Variants in SLC22A12 observed in about 807,000 individuals in gnomAD.
SLC22A12 encodes the protein solute carrier family 22 member 12, also known as organic anion transporter 4-like protein.
A neutral mutation model predicts 52.7 loss-of-function variants in SLC22A12; 56 were observed. The ratio of observed to expected loss-of-function variants is 1.06; its 90% confidence interval spans 0.86 to 1.33. The LOEUF is 1.33. Among genes scored for constraint, SLC22A12 ranks in the 40% most tolerant of loss-of-function variants. The pLI, the probability that SLC22A12 is intolerant of heterozygous loss-of-function variation, is 0.00. For synonymous variants in SLC22A12, 337 were observed against 324.6 expected (o/e 1.04, Z -0.41); for missense variants, 683 against 741.5 (o/e 0.92, Z 0.92).
chr11:64,593,078 T>C (rs1354605943), intron 2 of SLC22A12, among the ~76,000 whole-genome samples, 196 bp downstream of exon 2: 1 of 152,154 alleles, frequency 6.6e-6, no homozygotes. Context: ...GAACCTCGAG[T>C]TCACCAACTT....
rs114845820 is a variant in SLC22A12 at position 64,601,471 on chromosome 11, G to C, written c.1599-17G>C. ...ACTCCGCACCCCAAGACACACCCCCGTGTGCTTCCTGAACAGGGCAGTAAA... is the reference window on the plus strand; with the variant it reads ...ACTCCGCACCCCAAGACACACCCCCCTGTGCTTCCTGAACAGGGCAGTAAA... On this transcript the variant is annotated splice_polypyrimidine_tract_variant and intron_variant, in intron 9 of 9. Coordinates refer to ENST00000377574, the MANE Select transcript of SLC22A12 (RefSeq NM_144585.4). 2,838 of 1,612,730 alleles carry C rather than the reference G, an allele frequency of 1.8e-3. 43 individuals carry two copies. In the African/African-American group the frequency reaches 0.028, roughly 16 times the overall value.
chr11:64,591,546 G>A lies in SLC22A12; in HGVS notation c.-11G>A. 6.2e-7 allele frequency: 1 copy of A among 1,610,616 alleles called. No homozygotes were observed. Among genetic ancestry groups the A allele is most frequent in the Non-Finnish European group, 8.5e-7 (1 of 1,180,018 alleles). ...AGTGGGCCCCTCTTCTGGGCCCCTT[G>A]AGTAGGTTCCATGGCATTTTCTGAA... On this transcript the variant is annotated 5_prime_UTR_variant, in exon 1 of 10. Transcript: ENST00000377574.
At position 64,600,806 on chromosome 11, in the gene SLC22A12, T is replaced by A; in HGVS notation, c.1466T>A (p.Leu489Gln). 6.2e-7 allele frequency: 1 copy of A among 1,606,502 alleles called. No individual in the cohort carries two copies. Among genetic ancestry groups the A allele is most frequent in the Non-Finnish European group, 8.5e-7 (1 of 1,179,946 alleles). Reference sequence around the variant, plus strand: ...ATCCTGGGGCCTCTGGTCCGGCTGCTGGGTGTCCATGGCCCCTGGCTGCCC... The same window carrying A: ...ATCCTGGGGCCTCTGGTCCGGCTGCAGGGTGTCCATGGCCCCTGGCTGCCC... ...GAILGPLVRL[L>Q]GVHGPWLPLL... Residue 489 changes from leucine (L) to glutamine (Q), a missense_variant, in exon 9 of 10, where the codon CTG becomes CAG. Leu to Gln is a moderately radical substitution (Grantham distance 113, BLOSUM62 -2). Coordinates refer to ENST00000377574, the MANE Select transcript of SLC22A12 (RefSeq NM_144585.4).
chr11:64,592,713 G>T (rs542995539), intron 1 of SLC22A12, 66 bp from the exon 2 acceptor site: 12 of 1,363,580 alleles, frequency 8.8e-6, no homozygotes, highest in Admixed American at 1.7e-5. Context: ...CCTCCCATGC[G>T]GTTCCTCTGC....
intron 9 of SLC22A12, 91 bp downstream of exon 9, chr11:64,601,029 G>T: frequency 6.6e-7 from 1 of 1,521,352 alleles, no homozygotes; most frequent in Non-Finnish European, 9.0e-7. Flanking sequence ...TCACTTGACA[G>T]AGGCGGAAGC....
intron 9 of SLC22A12, 97 bp from the exon 10 acceptor site, chr11:64,601,391 G>A (rs974802878): frequency 4.8e-6 from 6 of 1,256,754 alleles, no homozygotes; most frequent in Non-Finnish European, 6.8e-6. Flanking sequence ...CCGAGAGCAG[G>A]GTGGTGGCAT....
At chr11:64,598,416 G>A in intron 4 of SLC22A12, 100 bp from the exon 5 acceptor site, 3 of 1,514,146 alleles carry the variant, frequency 2.0e-6, no homozygotes, top group Non-Finnish European at 2.7e-6. Flanking sequence ...CCTAAGCCTT[G>A]GGCCTGGAGC....
rs747550436 is a variant in SLC22A12 at position 64,593,850 on chromosome 11, T to C, written c.830+47T>C. ...CCTCCTCAGAGGAGATCCTGCCCAC[T>C]CTCCACCCGGGGGAATGGGAGACTC... is the stretch of plus-strand genomic sequence containing the variant. On this transcript the variant is annotated intron_variant, in intron 4 of 9. Transcript: ENST00000377574. 3.1e-6 allele frequency: 5 copies of C among 1,587,604 alleles called. No individual in the cohort carries two copies. The South Asian group carries it at 5.6e-5, about 18-fold the overall frequency.
intron 5 of SLC22A12, 37 bp from the exon 6 acceptor site, chr11:64,598,771 C>A (rs1378147699): frequency 6.2e-7 from 1 of 1,611,098 alleles, no homozygotes; most frequent in South Asian, 1.1e-5. Flanking sequence ...GTGCCTGGCG[C>A]CCCCAGTGCC....
chr11:64,596,819 C>T (rs475688), intron 4 of SLC22A12, among the ~76,000 whole-genome samples: 39,120 of 152,060 alleles, frequency 0.26, 5,285 homozygotes, highest in East Asian at 0.43. Context: ...GATAAAAATT[C>T]CAAGGCACCC....
At chr11:64,596,074 ATG>A (rs2039201195) in intron 4 of SLC22A12, among the ~76,000 whole-genome samples, 1 of 136,696 alleles carries the variant, frequency 7.3e-6, no homozygotes, top group East Asian at 2.6e-4. Context: ...GGATGGATGG[ATG>A]GTTTGATGGT....
At chr11:64,593,885 T>A in intron 4 of SLC22A12, 82 bp downstream of exon 4, 5 of 1,536,424 alleles carry the variant, frequency 3.3e-6, no homozygotes, top group Non-Finnish European at 3.5e-6. Flanking sequence ...CTCCTTTCCC[T>A]GGGGGCTGGG....
rs756800074 is a variant in SLC22A12, at chr11:64,600,805, C to T, written c.1465C>T (p.Leu489=). Residue 489 remains leucine, a synonymous_variant, in exon 9 of 10, where the codon CTG becomes TTG. Transcript: ENST00000377574. Reference sequence around the variant, plus strand: ...CATCCTGGGGCCTCTGGTCCGGCTGCTGGGTGTCCATGGCCCCTGGCTGCC... The same window carrying T: ...CATCCTGGGGCCTCTGGTCCGGCTGTTGGGTGTCCATGGCCCCTGGCTGCC... ...GAILGPLVRL[L]GVHGPWLPLL... 3.7e-6 allele frequency: 6 copies of T among 1,606,474 alleles called. No individual in the cohort carries two copies. The highest frequency in any genetic ancestry group is 5.1e-6 in the Non-Finnish European group (6 of 1,179,940).
At position 64,591,467 on chromosome 11, in the gene SLC22A12, TG is replaced by T; in HGVS notation, c.-85del. On this transcript the variant is annotated 5_prime_UTR_variant, in exon 1 of 10. Coordinates refer to ENST00000377574, the MANE Select transcript of SLC22A12 (RefSeq NM_144585.4). ...GGAGAAGCCACTGTGGGCACCACCG[TG>T]GGGGAAACAGGCCCGTTGCCCTGGC... 1.3e-6 allele frequency: 2 copies of T among 1,564,826 alleles called. No homozygotes were observed. Among genetic ancestry groups the T allele is most frequent in the Non-Finnish European group, 1.7e-6 (2 of 1,152,488 alleles).
chr11:64,597,785 G>A (rs570882120), intron 4 of SLC22A12, among the ~76,000 whole-genome samples: 3 of 152,198 alleles, frequency 2.0e-5, no homozygotes, highest in African/African-American at 4.8e-5. Flanking sequence ...GGGGCGGGAC[G>A]GTGTGGCATA....
Position 64,599,680 on chromosome 11 carries a change from G to A in SLC22A12, c.1075G>A (p.Ala359Thr), listed in dbSNP as rs201322494. The change falls in exon 7 of 10, where the codon GCC becomes ACC. Residue 359 changes from alanine (A) to threonine (T), a missense_variant. By Grantham distance (58) the Ala-to-Thr change is moderately conservative. Coordinates refer to ENST00000377574, the MANE Select transcript of SLC22A12 (RefSeq NM_144585.4). ...CTTCCCTGACCCCTGCCCCAGGTTCGCCTTTGGCTTCACCTTCTTCGGCCT... is the reference window on the plus strand; with the variant it reads ...CTTCCCTGACCCCTGCCCCAGGTTCACCTTTGGCTTCACCTTCTTCGGCCT... ...RTCISTLCWF[A>T]FGFTFFGLAL... 439 of 1,580,784 alleles carry A rather than the reference G, an allele frequency of 2.8e-4. No homozygotes were observed. The highest frequency in any genetic ancestry group is 3.5e-4 in the Non-Finnish European group (404 of 1,167,612).
rs149620216 is a variant in SLC22A12 at position 64,591,641 on chromosome 11, A to C, written c.85A>C (p.Met29Leu). ...GACGATGGCTCTGATGGTCTCCATC[A>C]TGTGGCTGTGTACCCAGAGCATGCT... ...LQTMALMVSI[M>L]WLCTQSMLEN... The change falls in exon 1 of 10, where the codon ATG becomes CTG. Residue 29 changes from methionine to leucine, a missense_variant. Met to Leu is a conservative substitution (Grantham distance 15, BLOSUM62 2). Coordinates refer to ENST00000377574, the MANE Select transcript of SLC22A12 (RefSeq NM_144585.4). 6.2e-7 allele frequency: 1 copy of C among 1,613,148 alleles called. No homozygotes were observed. The highest frequency in any genetic ancestry group is 1.3e-5 in the African/African-American group (1 of 74,946).
chr11:64,598,477 C>G, intron 4 of SLC22A12, 39 bp from the exon 5 acceptor site: 1 of 1,552,662 alleles, frequency 6.4e-7, no homozygotes, highest in Non-Finnish European at 8.7e-7. Flanking sequence ...GCACTGGGGG[C>G]CACAGGCAAT....
chr11:64,592,936 C>T (rs2038968965), intron 2 of SLC22A12, 54 bp downstream of exon 2: 1 of 1,507,218 alleles, frequency 6.6e-7, no homozygotes, highest in African/African-American at 1.4e-5. Flanking sequence ...CCCTGCTCTC[C>T]TAGGACCCTG....
Sources: gnomAD v4.1 joint callset for allele counts (sites outside exome capture counted in the v4.1 genomes callset) on GRCh38, gnomAD v4.1.1 for gene constraint, MANE v1.5 for transcripts, NCBI Gene and HGNC (gene_info 2026-07-23, HGNC 2026-07-21) for gene names.